Variants in SEMA6D observed in about 807,000 individuals in gnomAD.
SEMA6D encodes semaphorin-6D.
SEMA6D carries 35 observed loss-of-function variants against 106.6 expected under a neutral mutation model. The ratio of observed to expected loss-of-function variants is 0.33; its 90% CI spans 0.25 to 0.44. SEMA6D has a LOEUF of 0.44. SEMA6D is among the 20% of genes least tolerant of loss of function. SEMA6D has a pLI of 1.00. For missense variants in SEMA6D, 1,185 were observed against 1,345.9 expected (o/e 0.88, Z 1.87); for synonymous variants, 499 against 487.7 (o/e 1.02, Z -0.31).
At chr15:47,370,832 C>T (rs187321716) in intron 1 of SEMA6D, among the ~76,000 whole-genome samples, 1,893 of 152,120 alleles carry the variant, frequency 0.012, 18 homozygotes, top group Non-Finnish European at 0.019. Context: ...TGCCACTGCA[C>T]TCCAGCCTGG....
At chr15:47,678,265 A>T (rs1163317494) in intron 4 of SEMA6D, among the ~76,000 whole-genome samples, 1 of 152,126 alleles carries the variant, frequency 6.6e-6, no homozygotes, top group East Asian at 1.9e-4. Flanking sequence ...TTTCCCCAGC[A>T]TCAAACAATG....
At chr15:47,195,891 G>A (rs1180808431) in intron 1 of SEMA6D, among the ~76,000 whole-genome samples, 1 of 151,950 alleles carries the variant, frequency 6.6e-6, no homozygotes, top group Non-Finnish European at 1.5e-5. Flanking sequence ...ACCTACAGAT[G>A]GGGATTCAAC....
At chr15:47,243,824 A>G (rs142833175) in intron 1 of SEMA6D, among the ~76,000 whole-genome samples, 10 of 152,238 alleles carry the variant, frequency 6.6e-5, no homozygotes, top group African/African-American at 2.2e-4. Flanking sequence ...ACAGAATTTC[A>G]TTAATCCGCT....
At chr15:47,521,945 A>G (rs1400582575) in intron 3 of SEMA6D, among the ~76,000 whole-genome samples, 2 of 151,864 alleles carry the variant, frequency 1.3e-5, no homozygotes, top group Non-Finnish European at 2.9e-5. Flanking sequence ...AGATGGCGCC[A>G]CTGCACTCCA....
chr15:47,242,525 G>A (rs2032973119), intron 1 of SEMA6D, among the ~76,000 whole-genome samples: 1 of 152,134 alleles, frequency 6.6e-6, no homozygotes, highest in Non-Finnish European at 1.5e-5. Context: ...GGGTTGGTAT[G>A]TGATGAAGAA....
At chr15:47,319,381 CA>C (rs2036832319) in intron 1 of SEMA6D, among the ~76,000 whole-genome samples, 1 of 152,080 alleles carries the variant, frequency 6.6e-6, no homozygotes, top group African/African-American at 2.4e-5. Flanking sequence ...GATAGCTGGA[CA>C]TTTTGGACTT....
intron 1 of SEMA6D, among the ~76,000 whole-genome samples, chr15:47,307,328 C>T (rs1871498791): frequency 6.6e-6 from 1 of 152,152 alleles, no homozygotes; most frequent in South Asian, 2.1e-4. Flanking sequence ...TTAGTCTCGT[C>T]ACTTTTTTGC....
rs1279249348 is a variant in SEMA6D, at chr15:47,654,575, C to T, written c.-55+53679C>T. On this transcript the variant is annotated intron_variant, in intron 4 of 19. Coordinates refer to the SEMA6D transcript ENST00000558014. ...GTTGAATTGTAATTCCCAATGTTGGCGATTGGGCCTGGTGGGAGGTGATTG... is the reference window on the plus strand; with the variant it reads ...GTTGAATTGTAATTCCCAATGTTGGTGATTGGGCCTGGTGGGAGGTGATTG... Among the ~76,000 whole-genome samples, 4 of 152,126 alleles carry T rather than the reference C, an allele frequency of 2.6e-5. No homozygotes were observed. The South Asian group carries it at 6.2e-4, about 24-fold the overall frequency.
chr15:47,359,897 G>T (rs2038734244), intron 1 of SEMA6D: 1 of 152,102 alleles, frequency 6.6e-6, no homozygotes, highest in African/African-American at 2.4e-5. Context: ...ATTCTAATGT[G>T]GTTGTGCTGA....
At chr15:47,300,959 A>G (rs1595680029) in intron 1 of SEMA6D, among the ~76,000 whole-genome samples, 1 of 152,356 alleles carries the variant, frequency 6.6e-6, no homozygotes, top group South Asian at 2.1e-4. Context: ...AATAATTTTA[A>G]TACTAAATTC....
At chr15:47,557,788 A>G (rs1380856625) in intron 3 of SEMA6D, among the ~76,000 whole-genome samples, 1 of 152,176 alleles carries the variant, frequency 6.6e-6, no homozygotes, top group Non-Finnish European at 1.5e-5. Context: ...CATCAAAGGG[A>G]AAGCGTTGGT....
rs1306795324 is a variant in SEMA6D, at chr15:47,281,133, A to T, written c.-239+96715A>T. The stretch of plus-strand genomic sequence containing the variant: ...GTCTAATGTTGACAGTGGGGTGTTA[A>T]AGTCTCCCATTACTAATGTGTGAGA... On this transcript the variant is annotated intron_variant, in intron 1 of 19. Transcript: ENST00000558014. Among the ~76,000 whole-genome samples, 87 of 105,398 alleles carry T rather than the reference A, an allele frequency of 8.3e-4. 1 individual carries two copies. The highest frequency in any genetic ancestry group is 2.7e-3 in the African/African-American group (75 of 27,902). The allele number at this position is 105,398 out of a possible 152,430, so 69.1% of individuals were successfully genotyped here.
At chr15:47,449,269 A>G (rs1291672884) in intron 2 of SEMA6D, among the ~76,000 whole-genome samples, 2 of 152,136 alleles carry the variant, frequency 1.3e-5, no homozygotes, top group African/African-American at 4.8e-5. Flanking sequence ...AGTTGAAAAT[A>G]AATATACAGT....
At chr15:47,418,420 G>A (rs1438397275) in intron 2 of SEMA6D, among the ~76,000 whole-genome samples, 1 of 152,108 alleles carries the variant, frequency 6.6e-6, no homozygotes, top group Non-Finnish European at 1.5e-5. Flanking sequence ...AGAAGTCCAA[G>A]ATCAAGGCAT....
chr15:47,390,093 A>T (rs1318084777), intron 1 of SEMA6D, among the ~76,000 whole-genome samples: 5 of 152,164 alleles, frequency 3.3e-5, no homozygotes, highest in African/African-American at 1.2e-4. Flanking sequence ...GCTTAAAGTG[A>T]TAATTATTTA....
At chr15:47,422,433 C>T (rs181721673) in intron 2 of SEMA6D, among the ~76,000 whole-genome samples, 1 of 152,068 alleles carries the variant, frequency 6.6e-6, no homozygotes, top group African/African-American at 2.4e-5. Flanking sequence ...TATTCCATGT[C>T]ATTTAAATGG....
chr15:47,381,824 G>A (rs1254997562), intron 1 of SEMA6D, among the ~76,000 whole-genome samples: 2 of 152,134 alleles, frequency 1.3e-5, no homozygotes, highest in Admixed American at 1.3e-4. Flanking sequence ...CTTCTGAGGG[G>A]TGACTAAGGA....
chr15:47,662,648 T>C (rs1034840613), intron 4 of SEMA6D, among the ~76,000 whole-genome samples: 1 of 152,170 alleles, frequency 6.6e-6, no homozygotes, highest in Non-Finnish European at 1.5e-5. Context: ...GTTGGGAGTT[T>C]ATTTCTTCTA....
chr15:47,280,506 G>C (rs1456117742), intron 1 of SEMA6D, among the ~76,000 whole-genome samples: 1 of 122,382 alleles, frequency 8.2e-6, no homozygotes, highest in East Asian at 2.3e-4. Flanking sequence ...TTTTTGAAGG[G>C]TTTTTTGTGT....
Sources: gnomAD v4.1 joint callset for allele counts (sites outside exome capture counted in the v4.1 genomes callset) on GRCh38, gnomAD v4.1.1 for gene constraint, MANE v1.5 for transcripts, NCBI Gene and HGNC (gene_info 2026-07-23, HGNC 2026-07-21) for gene names.